The following CCDC83 variants were observed in gnomAD, a reference collection of about 807,000 sequenced individuals.
CCDC83 encodes the protein coiled-coil domain-containing protein 83.
A neutral mutation model predicts 50.1 loss-of-function variants in CCDC83; 54 were observed. That is an observed-to-expected ratio of 1.08 (90% CI 0.87 to 1.35). The LOEUF (loss-of-function observed/expected upper bound fraction) is 1.35, where lower values mean the gene tolerates loss of function less well. Among genes scored for constraint, CCDC83 ranks in the 40% most tolerant of loss-of-function variants. CCDC83 has a pLI of 0.00. For synonymous variants in CCDC83, 161 were observed against 153.3 expected (o/e 1.05, Z -0.37); for missense variants, 518 against 473.9 (o/e 1.09, Z -0.86).
chr11:85,899,901 G>C (rs2093393071), intron 7 of CCDC83, among the ~76,000 whole-genome samples: 1 of 152,046 alleles, frequency 6.6e-6, no homozygotes, highest in Non-Finnish European at 1.5e-5. Flanking sequence ...TCTCCTGAGG[G>C]CTCGCTGAAA....
chr11:85,891,561 T>C (rs1364916503), intron 5 of CCDC83, among the ~76,000 whole-genome samples: 1 of 152,216 alleles, frequency 6.6e-6, no homozygotes, highest in Non-Finnish European at 1.5e-5. Flanking sequence ...TTTTGTCCTT[T>C]ACTGGGGCAC....
chr11:85,919,323 T>G, intron 10 of CCDC83, 26 bp from the exon 11 acceptor site: 1 of 1,567,490 alleles, frequency 6.4e-7, no homozygotes, highest in African/African-American at 1.4e-5. Context: ...ACCTCTCCTA[T>G]TCTTTTTTGT....
At chr11:85,862,326 G>A (rs748291992) in intron 1 of CCDC83, among the ~76,000 whole-genome samples, 14 of 152,112 alleles carry the variant, frequency 9.2e-5, no homozygotes, top group African/African-American at 3.1e-4. Context: ...CTTACATCAC[G>A]GTGTATGTTT....
At chr11:85,884,016 C>G (rs1473291950) in intron 4 of CCDC83, among the ~76,000 whole-genome samples, 1 of 152,276 alleles carries the variant, frequency 6.6e-6, no homozygotes, top group South Asian at 2.1e-4. Context: ...GGAAGGAATA[C>G]TTTAGTAAGT....
At chr11:85,898,043 A>G (rs1332840672) in intron 6 of CCDC83, among the ~76,000 whole-genome samples, 1 of 152,018 alleles carries the variant, frequency 6.6e-6, no homozygotes, top group Non-Finnish European at 1.5e-5. Context: ...CTGTAATCCC[A>G]GCTACTCAGG....
chr11:85,859,843 G>T (rs2153681491), intron 1 of CCDC83, among the ~76,000 whole-genome samples: 1 of 152,252 alleles, frequency 6.6e-6, no homozygotes, highest in African/African-American at 2.4e-5. Flanking sequence ...AAGAGCTTCT[G>T]CACAGCAAAA....
intron 4 of CCDC83, among the ~76,000 whole-genome samples, chr11:85,884,727 A>G (rs970665420): frequency 2.0e-5 from 3 of 152,210 alleles, no homozygotes; most frequent in African/African-American, 7.2e-5. Flanking sequence ...GTAGAAAAAC[A>G]GCCACTACAT....
chr11:85,901,558 T>C (rs936299562), intron 7 of CCDC83, among the ~76,000 whole-genome samples: 1 of 144,820 alleles, frequency 6.9e-6, no homozygotes, highest in East Asian at 2.0e-4. Context: ...GGGCAACAGA[T>C]TGAGACTCTG....
chr11:85,885,085 G>A (rs2093320167), intron 4 of CCDC83, among the ~76,000 whole-genome samples: 1 of 152,052 alleles, frequency 6.6e-6, no homozygotes, highest in Non-Finnish European at 1.5e-5. Context: ...GTGGTGGTGG[G>A]TGCCTGTGAT....
intron 3 of CCDC83, among the ~76,000 whole-genome samples, chr11:85,877,326 G>A (rs974651411): frequency 1.3e-5 from 2 of 152,052 alleles, no homozygotes; most frequent in African/African-American, 4.8e-5. Context: ...GTAGAAAGTA[G>A]CCAGGTGCAG....
intron 1 of CCDC83, among the ~76,000 whole-genome samples, chr11:85,857,878 G>A (rs1012776776): frequency 5.3e-5 from 8 of 152,206 alleles, no homozygotes; most frequent in Non-Finnish European, 2.9e-5. Flanking sequence ...GACGAGGCCT[G>A]TCAGGAGGAC....
intron 7 of CCDC83, among the ~76,000 whole-genome samples, chr11:85,906,959 A>T (rs182951539): frequency 4.6e-4 from 70 of 152,242 alleles, no homozygotes; most frequent in African/African-American, 1.7e-3. Flanking sequence ...AATAGATTTA[A>T]TTTCTCTTTG....
chr11:85,918,664 A>G (rs755833543), intron 10 of CCDC83, among the ~76,000 whole-genome samples: 20 of 152,326 alleles, frequency 1.3e-4, no homozygotes, highest in Non-Finnish European at 2.6e-4. Flanking sequence ...CTGGGAGAAA[A>G]AAAACCCACA....
intron 3 of CCDC83, among the ~76,000 whole-genome samples, chr11:85,873,587 T>C: frequency 6.6e-6 from 1 of 152,214 alleles, no homozygotes; most frequent in East Asian, 1.9e-4. Flanking sequence ...ACATTTATCT[T>C]TTGACTTTTT....
chr11:85,880,831 C>A (rs1331069152), intron 3 of CCDC83, among the ~76,000 whole-genome samples: 2 of 152,104 alleles, frequency 1.3e-5, no homozygotes, highest in South Asian at 2.1e-4. Context: ...ATTTCAGATT[C>A]TTTTAGATTT....
chr11:85,900,998 G>C (rs1201816000), intron 7 of CCDC83, among the ~76,000 whole-genome samples: 1 of 151,482 alleles, frequency 6.6e-6, no homozygotes, highest in Admixed American at 6.6e-5. Context: ...CCGGGAGGCA[G>C]AGGTTGCAAT....
At chr11:85,865,719 C>A (rs574051687) in intron 2 of CCDC83, among the ~76,000 whole-genome samples, 47 of 152,182 alleles carry the variant, frequency 3.1e-4, no homozygotes, top group African/African-American at 1.1e-3. Context: ...GAAACCAGGT[C>A]TCCACTAAAA....
At chr11:85,906,545 C>A (rs1327649646) in intron 7 of CCDC83, among the ~76,000 whole-genome samples, 1 of 152,044 alleles carries the variant, frequency 6.6e-6, no homozygotes, top group Admixed American at 6.6e-5. Context: ...AAAAAAAAGT[C>A]TAAGTTTAAT....
rs769493723 is a variant in CCDC83 at position 85,886,326 on chromosome 11, A to G, written c.470A>G (p.Asn157Ser). The change falls in exon 5 of 11, where the codon AAT becomes AGT. Residue 157 changes from asparagine to serine, a missense_variant. Asn to Ser is a conservative substitution (Grantham distance 46, BLOSUM62 1). Coordinates refer to ENST00000342404, the MANE Select transcript of CCDC83 (RefSeq NM_001286159.2). ...RHAKLITSLQ[N>S]DINTVKENAE... The stretch of plus-strand genomic sequence containing the variant: ...GCTAAACTCATTACCTCCTTACAAA[A>G]TGACATCAACACAGTTAAAGAGAAT... The G allele has an allele frequency of 2.1e-5, 34 of 1,609,804 alleles. No homozygotes were observed. The Middle Eastern group carries it at 9.9e-4, about 47-fold the overall frequency.
Sources: allele counts gnomAD v4.1 joint callset (sites outside exome capture counted in the v4.1 genomes callset), GRCh38; gene constraint gnomAD v4.1.1; transcripts MANE v1.5; gene names NCBI Gene and HGNC (gene_info 2026-07-23, HGNC 2026-07-21).